The following CDH7 variants were observed in gnomAD, a reference collection of about 807,000 sequenced individuals.
CDH7 encodes cadherin-7.
Under a neutral mutation model 71.8 loss-of-function variants are expected in CDH7, and 25 were observed. The observed-to-expected ratio is 0.35, with a 90% confidence interval of 0.25 to 0.49. The LOEUF (loss-of-function observed/expected upper bound fraction) is 0.49, where lower values mean the gene tolerates loss of function less well. Among genes scored for constraint, CDH7 ranks in the 20% least tolerant of loss-of-function variants. CDH7 has a pLI of 0.99. For missense variants in CDH7, 862 were observed against 974.6 expected (o/e 0.88, Z 1.54); for synonymous variants, 381 against 363.8 (o/e 1.05, Z -0.54).
chr18:65,875,685 C>T (rs564306479), intron 11 of CDH7, among the ~76,000 whole-genome samples: 5 of 152,218 alleles, frequency 3.3e-5, no homozygotes, highest in Admixed American at 1.3e-4. Flanking sequence ...TTAAGGAGCT[C>T]AAGACCAGCC....
chr18:65,761,529 C>T (rs1368136050), intron 1 of CDH7, among the ~76,000 whole-genome samples: 1 of 125,456 alleles, frequency 8.0e-6, no homozygotes, highest in Non-Finnish European at 1.6e-5. Flanking sequence ...TTTTTCTCCT[C>T]TTCCTCAAAA....
intron 11 of CDH7, among the ~76,000 whole-genome samples, chr18:65,876,564 T>C (rs1268300737): frequency 2.0e-5 from 3 of 152,136 alleles, no homozygotes; most frequent in Admixed American, 2.0e-4. Context: ...AAGTATGTTC[T>C]TCCATATCAC....
At chr18:65,856,719 G>T (rs56268429) in intron 7 of CDH7, among the ~76,000 whole-genome samples, 1 of 151,868 alleles carries the variant, frequency 6.6e-6, no homozygotes, top group Non-Finnish European at 1.5e-5. Context: ...TTGTTCTTTC[G>T]TTCATTTGTT....
At chr18:65,798,394 C>A (rs1910994062) in intron 2 of CDH7, among the ~76,000 whole-genome samples, 1 of 152,208 alleles carries the variant, frequency 6.6e-6, no homozygotes, top group South Asian at 2.1e-4. Context: ...CCCTCTGTCA[C>A]CTGTGCCTCT....
chr18:65,799,410 G>C (rs987840075), intron 2 of CDH7, among the ~76,000 whole-genome samples: 4 of 152,114 alleles, frequency 2.6e-5, no homozygotes, highest in Non-Finnish European at 5.9e-5. Context: ...GGGTGCGGTG[G>C]CTCAAGCCTG....
chr18:65,773,291 G>A (rs367833530), intron 2 of CDH7, among the ~76,000 whole-genome samples: 2 of 152,046 alleles, frequency 1.3e-5, no homozygotes, highest in African/African-American at 4.8e-5. Context: ...TTATATAAAT[G>A]CCTTAAACTT....
At chr18:65,852,835 T>C (rs1913198589) in intron 7 of CDH7, among the ~76,000 whole-genome samples, 1 of 152,118 alleles carries the variant, frequency 6.6e-6, no homozygotes. Context: ...CATATTTGTT[T>C]GAGAATTAAG....
chr18:65,858,030 A>T, intron 8 of CDH7, 78 bp downstream of exon 8: 1 of 1,341,270 alleles, frequency 7.5e-7, no homozygotes, highest in East Asian at 2.4e-5. Context: ...TTGTAAATTC[A>T]AGTTAATTAA....
chr18:65,850,907 G>A (rs2144011245), intron 7 of CDH7, among the ~76,000 whole-genome samples: 1 of 151,560 alleles, frequency 6.6e-6, no homozygotes, highest in East Asian at 2.0e-4. Flanking sequence ...CGCCTTCTGG[G>A]CTCAGGTGAT....
intron 2 of CDH7, among the ~76,000 whole-genome samples, chr18:65,786,036 T>G (rs2143845825): frequency 6.6e-6 from 1 of 152,252 alleles, no homozygotes; most frequent in Middle Eastern, 3.4e-3. Flanking sequence ...CCCAAGATAT[T>G]ACCCGGAATA....
In CDH7 at chr18:65,887,655, AT is replaced by A. The variant is rs1368920184; in HGVS notation, c.*6764del. ...ATACACGTGTGCAGGAACACACACAATTTGAGGCGAAATGTTGAAGTAAAGT... is the reference window on the plus strand; with the variant it reads ...ATACACGTGTGCAGGAACACACACAATTGAGGCGAAATGTTGAAGTAAAGT... On this transcript the variant is annotated 3_prime_UTR_variant, in exon 12 of 12. Coordinates refer to ENST00000397968, the MANE Select transcript of CDH7 (RefSeq NM_004361.5). 4 of 152,156 alleles carry A rather than the reference AT, an allele frequency of 2.6e-5. No individual in the cohort carries two copies. The highest frequency in any genetic ancestry group is 7.2e-5 in the African/African-American group (3 of 41,446). 9.4% of individuals were successfully genotyped at this position (152,156 alleles called of 1,614,324 possible). A position where few individuals can be genotyped will look rare whatever the true frequency, so the allele number is the denominator to read the frequency against.
chr18:65,806,375 G>C (rs1911322039), intron 2 of CDH7, among the ~76,000 whole-genome samples: 1 of 151,816 alleles, frequency 6.6e-6, no homozygotes, highest in Non-Finnish European at 1.5e-5. Context: ...GTAAAGGTAA[G>C]TTTTGTCTGC....
chr18:65,822,276 T>G (rs777305456), intron 5 of CDH7, 28 bp downstream of exon 5: 16 of 1,571,424 alleles, frequency 1.0e-5, no homozygotes, highest in African/African-American at 1.4e-5. Context: ...GTGACACAAG[T>G]GCAATAACTT....
chr18:65,770,753 A>G (rs1372300617), intron 2 of CDH7, among the ~76,000 whole-genome samples: 2 of 152,220 alleles, frequency 1.3e-5, no homozygotes, highest in Non-Finnish European at 2.9e-5. Context: ...TCAGAAGTCT[A>G]CATTGAATAA....
rs138150230 is a variant in CDH7, at chr18:65,796,102, A to G, written c.211-13602A>G. 5.7e-3 allele frequency among the ~76,000 whole-genome samples: 870 copies of G among 152,298 alleles called. 7 individuals carry two copies. Among genetic ancestry groups the G allele is most frequent in the African/African-American group, 0.02 (820 of 41,580 alleles). On this transcript the variant is annotated intron_variant, in intron 2 of 11. Coordinates refer to ENST00000397968, the MANE Select transcript of CDH7 (RefSeq NM_004361.5). ...CTTCATGGCAGTGTGAGAATGGACT[A>G]ATATAATATCCTTTAAAGATATTTT...
intron 4 of CDH7, among the ~76,000 whole-genome samples, chr18:65,817,862 G>A (rs1911776180): frequency 6.6e-6 from 1 of 152,142 alleles, no homozygotes; most frequent in African/African-American, 2.4e-5. Flanking sequence ...TTTAAAAATA[G>A]AAAGCAAGCC....
At chr18:65,811,197 A>G (rs1190327077) in intron 3 of CDH7, among the ~76,000 whole-genome samples, 4 of 152,100 alleles carry the variant, frequency 2.6e-5, no homozygotes, top group African/African-American at 7.2e-5. Flanking sequence ...TAAAAAAAAA[A>G]AAAAGGTCAT....
At chr18:65,771,968 G>A (rs1403495267) in intron 2 of CDH7, among the ~76,000 whole-genome samples, 1 of 152,116 alleles carries the variant, frequency 6.6e-6, no homozygotes, top group East Asian at 1.9e-4. Flanking sequence ...GGTAATTAAA[G>A]CACCAGAACC....
chr18:65,837,011 C>A (rs979996479), intron 6 of CDH7, among the ~76,000 whole-genome samples: 7 of 152,170 alleles, frequency 4.6e-5, no homozygotes, highest in Non-Finnish European at 8.8e-5. Context: ...CTTCTCCCCC[C>A]ATAACCCATA....
Sources: gnomAD v4.1 joint callset for allele counts (sites outside exome capture counted in the v4.1 genomes callset) on GRCh38, gnomAD v4.1.1 for gene constraint, MANE v1.5 for transcripts, NCBI Gene and HGNC (gene_info 2026-07-23, HGNC 2026-07-21) for gene names.